The following PDSS2 variants were observed in gnomAD, a reference collection of about 807,000 sequenced individuals.
PDSS2 encodes the protein all trans-polyprenyl-diphosphate synthase PDSS2.
A neutral mutation model predicts 44.5 loss-of-function variants in PDSS2; 31 were observed. That is an observed-to-expected ratio of 0.70 (90% CI 0.52 to 0.94). PDSS2 has a LOEUF of 0.94. Among genes scored for constraint, PDSS2 ranks in the 40% least tolerant of loss-of-function variants. The probability of loss-of-function intolerance (pLI) is 0.00; values close to 1 mark genes in which losing one functional copy is unlikely to be tolerated. For synonymous variants in PDSS2, 157 were observed against 180.3 expected, an observed-to-expected ratio of 0.87 and a Z score of 1.03; for missense variants, 452 against 482.2, an observed-to-expected ratio of 0.94 and a Z score of 0.59.
chr6:107,211,479 C>T (rs1582792162), intron 5 of PDSS2, among the ~76,000 whole-genome samples: 1 of 152,096 alleles, frequency 6.6e-6, no homozygotes, highest in East Asian at 1.9e-4. Context: ...CACCTGTAAT[C>T]CCAGCACTTT....
intron 1 of PDSS2, among the ~76,000 whole-genome samples, chr6:107,354,845 G>A (rs1405581059): frequency 6.6e-6 from 1 of 151,992 alleles, no homozygotes; most frequent in Non-Finnish European, 1.5e-5. Context: ...ATAATATTTG[G>A]TAAATGGTAT....
chr6:107,419,211 A>G (rs1780753181), intron 1 of PDSS2, among the ~76,000 whole-genome samples: 1 of 152,202 alleles, frequency 6.6e-6, no homozygotes, highest in Non-Finnish European at 1.5e-5. Context: ...TCCCTAGGCC[A>G]AAGCAGAAAT....
At position 107,299,789 on chromosome 6, in the gene PDSS2, G is replaced by A. The variant is rs117679881; in HGVS notation, c.432-25562C>T. Reference sequence around the variant, plus strand: ...TGCATGCAAGCAAATACTCATTATTGGACAGGGAAAATAATTACTCCCAGT... The same window carrying A: ...TGCATGCAAGCAAATACTCATTATTAGACAGGGAAAATAATTACTCCCAGT... On this transcript the variant is annotated intron_variant, in intron 2 of 7. Transcript: ENST00000369037. Among the ~76,000 whole-genome samples, 1,997 of 152,200 alleles carry A rather than the reference G, an allele frequency of 0.013. 114 individuals are homozygous for A. The East Asian group carries it at 0.19, about 14-fold the overall frequency.
At chr6:107,303,396 G>C (rs1024822574) in intron 2 of PDSS2, among the ~76,000 whole-genome samples, 1 of 152,088 alleles carries the variant, frequency 6.6e-6, no homozygotes, top group Non-Finnish European at 1.5e-5. Flanking sequence ...GTCCCCACTA[G>C]GTTCATCATC....
chr6:107,252,110 C>G (rs979325142), intron 3 of PDSS2, among the ~76,000 whole-genome samples: 8 of 152,106 alleles, frequency 5.3e-5, no homozygotes, highest in Non-Finnish European at 8.8e-5. Flanking sequence ...CAGCAGTGGC[C>G]AAATGAGGGG....
At chr6:107,373,201 G>T (rs1231843495) in intron 1 of PDSS2, among the ~76,000 whole-genome samples, 2 of 151,734 alleles carry the variant, frequency 1.3e-5, no homozygotes, top group African/African-American at 4.8e-5. Flanking sequence ...CTCAGATGGT[G>T]GTCTCGATCT....
At chr6:107,177,164 A>T in intron 7 of PDSS2, among the ~76,000 whole-genome samples, 1 of 130,756 alleles carries the variant, frequency 7.6e-6, no homozygotes. Flanking sequence ...ACAGGGTCTC[A>T]CTCTCACTCA....
intron 7 of PDSS2, among the ~76,000 whole-genome samples, chr6:107,162,819 G>A (rs13199973): frequency 0.27 from 40,852 of 151,600 alleles, 6,865 homozygotes; most frequent in Non-Finnish European, 0.37. Flanking sequence ...TGGCCAGGAT[G>A]GTCTCGAACT....
At chr6:107,156,523 C>T (rs1554245686) in intron 7 of PDSS2, among the ~76,000 whole-genome samples, 1 of 152,178 alleles carries the variant, frequency 6.6e-6, no homozygotes, top group African/African-American at 2.4e-5. Flanking sequence ...GTCAGAAACC[C>T]AGACGTCTTC....
chr6:107,333,721 A>G (rs933907251), intron 2 of PDSS2, among the ~76,000 whole-genome samples: 3 of 152,092 alleles, frequency 2.0e-5, no homozygotes, highest in Non-Finnish European at 2.9e-5. Context: ...TTTTTTGTAG[A>G]GATGAGGGCT....
At chr6:107,242,428 TA>T in intron 4 of PDSS2, among the ~76,000 whole-genome samples, 1 of 152,250 alleles carries the variant, frequency 6.6e-6, no homozygotes, top group South Asian at 2.1e-4. Context: ...TGTGCCCGCC[TA>T]ATTTTTTTAT....
chr6:107,311,090 G>A (rs1777030562), intron 2 of PDSS2, among the ~76,000 whole-genome samples: 1 of 150,338 alleles, frequency 6.7e-6, no homozygotes, highest in African/African-American at 2.4e-5. Flanking sequence ...GCTAATTTTT[G>A]TATTTTTAGT....
chr6:107,327,979 C>T (rs903995533), intron 2 of PDSS2, among the ~76,000 whole-genome samples: 11 of 152,136 alleles, frequency 7.2e-5, no homozygotes, highest in Non-Finnish European at 1.5e-4. Context: ...CAAATGTTTG[C>T]GTCAGTCTAA....
At chr6:107,206,173 G>A (rs1211775223) in intron 6 of PDSS2, among the ~76,000 whole-genome samples, 1 of 152,180 alleles carries the variant, frequency 6.6e-6, no homozygotes, top group Non-Finnish European at 1.5e-5. Flanking sequence ...CTGGGCTCAA[G>A]TGATTCTCCT....
At chr6:107,422,897 C>T (rs1780872373) in intron 1 of PDSS2, among the ~76,000 whole-genome samples, 1 of 151,992 alleles carries the variant, frequency 6.6e-6, no homozygotes. Flanking sequence ...AGCTAATGAG[C>T]GTTCTTTTAA....
At chr6:107,224,691 A>G (rs1773726752) in intron 4 of PDSS2, among the ~76,000 whole-genome samples, 1 of 151,358 alleles carries the variant, frequency 6.6e-6, no homozygotes. Flanking sequence ...AAAGCATTCC[A>G]ATGAATTTAC....
chr6:107,394,037 C>A (rs947239060), intron 1 of PDSS2, among the ~76,000 whole-genome samples: 29 of 152,146 alleles, frequency 1.9e-4, no homozygotes, highest in Non-Finnish European at 2.9e-5. Context: ...AAGATTTAGA[C>A]CACTTAGAGT....
intron 4 of PDSS2, among the ~76,000 whole-genome samples, chr6:107,241,039 A>G (rs1392900478): frequency 6.6e-6 from 1 of 151,990 alleles, no homozygotes; most frequent in Non-Finnish European, 1.5e-5. Flanking sequence ...GCTTGAGGCC[A>G]GGAGTTCAAG....
At chr6:107,429,974 T>C (rs1186381036) in intron 1 of PDSS2, among the ~76,000 whole-genome samples, 1 of 139,832 alleles carries the variant, frequency 7.2e-6, no homozygotes, top group Non-Finnish European at 1.5e-5. Flanking sequence ...GGGAGATCTG[T>C]CATCCCCAAA....
Sources: allele counts gnomAD v4.1 joint callset (sites outside exome capture counted in the v4.1 genomes callset), GRCh38; gene constraint gnomAD v4.1.1; transcripts MANE v1.5; gene names NCBI Gene and HGNC (gene_info 2026-07-23, HGNC 2026-07-21).